C6orf89: variants seen among roughly 807,000 people sequenced by gnomAD.
C6orf89 encodes the protein chromosome 6 open reading frame 89, also known as bombesin receptor-activated protein C6orf89.
C6orf89 carries 29 observed loss-of-function variants against 40.7 expected under a neutral mutation model. That is an observed-to-expected ratio of 0.71 (90% CI 0.53 to 0.97). C6orf89 has a LOEUF of 0.97. Ranked by LOEUF, C6orf89 falls within the 50% of genes least tolerant of loss-of-function variation. The probability of loss-of-function intolerance (pLI) is 0.00; values close to 1 mark genes in which losing one functional copy is unlikely to be tolerated. For synonymous variants in C6orf89, 165 were observed against 152.2 expected, an observed-to-expected ratio of 1.08 and a Z score of -0.62; for missense variants, 392 against 429.1, an observed-to-expected ratio of 0.91 and a Z score of 0.76.
chr6:36,893,506 A>G (rs1439390789), intron 1 of C6orf89, among the ~76,000 whole-genome samples: 1 of 152,238 alleles, frequency 6.6e-6, no homozygotes, highest in Non-Finnish European at 1.5e-5. Flanking sequence ...TCTCGGAAGA[A>G]GGATGCATGG....
intron 8 of C6orf89, among the ~76,000 whole-genome samples, chr6:36,921,900 C>T (rs1583206329): frequency 6.6e-6 from 1 of 152,072 alleles, no homozygotes; most frequent in South Asian, 2.1e-4. Context: ...TGGTGGCACA[C>T]GCCTGTAGTT....
At position 36,927,941 on chromosome 6, in the gene C6orf89, C is replaced by T. The variant is rs185743549; in HGVS notation, c.*4500C>T. 2.6e-5 allele frequency: 4 copies of T among 152,394 alleles called. No individual in the cohort carries two copies. Among genetic ancestry groups the T allele is most frequent in the East Asian group, 3.9e-4 (2 of 5,192 alleles). The allele number at this position is 152,394 out of a possible 1,614,324, so 9.4% of individuals were successfully genotyped here. A position where few individuals can be genotyped will look rare whatever the true frequency, so the allele number is the denominator to read the frequency against. ...GTGCACCACATCCAAGTCCACCCACCGTGGACGCAGTGTGACTAAATGCTG... is the reference window on the plus strand; with the variant it reads ...GTGCACCACATCCAAGTCCACCCACTGTGGACGCAGTGTGACTAAATGCTG... On this transcript the variant is annotated 3_prime_UTR_variant, in exon 9 of 9. Transcript: ENST00000480824.
At chr6:36,917,215 C>A (rs1423510171) in intron 7 of C6orf89, among the ~76,000 whole-genome samples, 2 of 152,152 alleles carry the variant, frequency 1.3e-5, no homozygotes, top group Non-Finnish European at 2.9e-5. Context: ...CAGAAATAAA[C>A]AATTAAGAGA....
chr6:36,904,475 A>G (rs1262849609), intron 4 of C6orf89, among the ~76,000 whole-genome samples: 2 of 152,154 alleles, frequency 1.3e-5, no homozygotes, highest in African/African-American at 4.8e-5. Flanking sequence ...GAAGCACCAT[A>G]TTTTCCTATG....
chr6:36,914,102 A>G (rs909585219), intron 4 of C6orf89, among the ~76,000 whole-genome samples, 182 bp from the exon 5 acceptor site: 9 of 152,216 alleles, frequency 5.9e-5, no homozygotes, highest in African/African-American at 1.7e-4. Flanking sequence ...CAGGGGTTAC[A>G]GTGAGCTGGA....
chr6:36,919,221 T>C (rs73420362), intron 7 of C6orf89, among the ~76,000 whole-genome samples: 3,610 of 152,342 alleles, frequency 0.024, 118 homozygotes, highest in African/African-American at 0.08. Context: ...GTATTTTTCT[T>C]TGGCTTACTT....
chr6:36,906,772 C>G (rs1157382232), intron 4 of C6orf89, among the ~76,000 whole-genome samples: 1 of 152,150 alleles, frequency 6.6e-6, no homozygotes, highest in Non-Finnish European at 1.5e-5. Flanking sequence ...GCCCGGGGTA[C>G]TAGAAGAGGT....
At chr6:36,916,644 A>G in intron 7 of C6orf89, 70 bp downstream of exon 7, 1 of 1,588,572 alleles carries the variant, frequency 6.3e-7, no homozygotes, top group South Asian at 1.1e-5. Flanking sequence ...GTCATAACCA[A>G]GGCCTTCCCT....
chr6:36,896,894 G>A (rs943240559), intron 2 of C6orf89, among the ~76,000 whole-genome samples: 2 of 152,110 alleles, frequency 1.3e-5, no homozygotes, highest in African/African-American at 4.8e-5. Context: ...TTGGGAGGCT[G>A]AGGCAGGCGA....
At chr6:36,912,079 C>A (rs1762149022) in intron 4 of C6orf89, among the ~76,000 whole-genome samples, 1 of 152,120 alleles carries the variant, frequency 6.6e-6, no homozygotes, top group Non-Finnish European at 1.5e-5. Flanking sequence ...CAAAAGCCTC[C>A]AACAGTTCCT....
At position 36,873,813 on chromosome 6, in the gene C6orf89, GC is replaced by G. The variant is rs770069475; in HGVS notation, c.-628+1847del. Among the ~76,000 whole-genome samples the G allele has an allele frequency of 6.4e-4, 97 of 152,282 alleles. 1 individual carries two copies. Among genetic ancestry groups the G allele is most frequent in the Non-Finnish European group, 1.3e-3 (86 of 68,016 alleles). ...GGCAGAGGACCTTGGCTGGTCCCTG[GC>G]TGTTGAGGGGAGAATGGCAGGTAGA... On this transcript the variant is annotated intron_variant, in intron 1 of 9. Coordinates refer to the C6orf89 transcript ENST00000359359.
intron 4 of C6orf89, 38 bp from the exon 5 acceptor site, chr6:36,914,246 T>G (rs1762231846): frequency 1.9e-6 from 3 of 1,575,830 alleles, no homozygotes; most frequent in Non-Finnish European, 2.6e-6. Context: ...GCTATGCTCT[T>G]TCAGTATCTG....
At chr6:36,882,713 C>CTTT (rs1168220528), upstream of C6orf89, among the ~76,000 whole-genome samples, 269 of 115,404 alleles carry the variant, frequency 2.3e-3, 4 homozygotes, top group African/African-American at 6.3e-3. Context: ...TTGTCATTTT[C>CTTT]TTTTTTTTTT....
Position 36,899,450 on chromosome 6 carries a change from T to A in C6orf89, c.6T>A (p.Asp2Glu), listed in dbSNP as rs1183619586. The A allele has an allele frequency of 4.3e-6, 7 of 1,614,028 alleles. No individual in the cohort carries two copies. Among genetic ancestry groups the A allele is most frequent in the Non-Finnish European group, 5.9e-6 (7 of 1,180,016 alleles). The stretch of plus-strand genomic sequence containing the variant: ...GGGATTTTATATTGGAAGACATGGA[T>A]CTTGCTGCCAACGAGATCAGCATTT... MDLAANEISIYD... is the reference protein window; with the variant it reads MELAANEISIYD... Residue 2 changes from aspartate (D) to glutamate (E), a missense_variant, in exon 3 of 9, where the codon GAT (aspartate) becomes GAA (glutamate). Coordinates refer to ENST00000480824, the MANE Select transcript of C6orf89 (RefSeq NM_001286635.2).
At chr6:36,886,121 C>A in intron 1 of C6orf89, 93 bp downstream of exon 1, 2 of 1,094,472 alleles carry the variant, frequency 1.8e-6, no homozygotes, top group South Asian at 3.8e-5. Flanking sequence ...AGCCGCTTCT[C>A]GCCGCTGCTA....
intron 8 of C6orf89, among the ~76,000 whole-genome samples, chr6:36,922,754 G>C (rs540958291): frequency 6.6e-6 from 1 of 152,328 alleles, no homozygotes; most frequent in South Asian, 2.1e-4. Flanking sequence ...TGCTGGTTTA[G>C]GTTTAGGTTA....
At chr6:36,921,037 T>C (rs927112007) in intron 8 of C6orf89, among the ~76,000 whole-genome samples, 3 of 152,014 alleles carry the variant, frequency 2.0e-5, no homozygotes, top group African/African-American at 7.3e-5. Flanking sequence ...CTGGTACAGA[T>C]AGTCCAGATT....
At chr6:36,911,444 C>T (rs891167307) in intron 4 of C6orf89, among the ~76,000 whole-genome samples, 10 of 151,714 alleles carry the variant, frequency 6.6e-5, no homozygotes, top group Non-Finnish European at 1.3e-4. Context: ...GAGCCGAGAT[C>T]GCGCCACTGC....
intron 4 of C6orf89, among the ~76,000 whole-genome samples, chr6:36,904,322 A>G (rs1032817656): frequency 1.3e-5 from 2 of 152,214 alleles, no homozygotes; most frequent in Admixed American, 1.3e-4. Context: ...TCAAATCAAT[A>G]TTTTGCCTTG....
Sources: allele counts gnomAD v4.1 joint callset (sites outside exome capture counted in the v4.1 genomes callset), GRCh38; gene constraint gnomAD v4.1.1; transcripts MANE v1.5; gene names NCBI Gene and HGNC (gene_info 2026-07-23, HGNC 2026-07-21).